BMPER: variants seen among roughly 807,000 people sequenced by gnomAD.
BMPER encodes the protein BMP binding endothelial regulator.
Under a neutral mutation model 87.3 loss-of-function variants are expected in BMPER, and 45 were observed. That is an observed-to-expected ratio of 0.52 (90% CI 0.41 to 0.66). The LOEUF is 0.66. Ranked by LOEUF, BMPER falls within the 30% of genes least tolerant of loss-of-function variation. The probability of loss-of-function intolerance (pLI) is 0.00; values close to 1 mark genes in which losing one functional copy is unlikely to be tolerated. For synonymous variants in BMPER, 326 were observed against 316.2 expected (o/e 1.03, Z -0.33); for missense variants, 784 against 867.5 (o/e 0.90, Z 1.21).
chr7:34,090,963 A>T (rs10277432), intron 13 of BMPER, among the ~76,000 whole-genome samples: 42,526 of 152,082 alleles, frequency 0.28, 6,353 homozygotes, highest in African/African-American at 0.34. Flanking sequence ...CATGCAGTGG[A>T]TTTTACAGCT....
chr7:33,909,811 C>A (rs1038674181), intron 2 of BMPER, among the ~76,000 whole-genome samples: 2 of 151,972 alleles, frequency 1.3e-5, no homozygotes, highest in African/African-American at 4.8e-5. Context: ...CTTAAAAAAC[C>A]CCACAAAAAT....
rs140695840 is a variant in BMPER at position 33,945,453 on chromosome 7, T to A, written c.319+8065T>A. 0.012 allele frequency among the ~76,000 whole-genome samples: 1,746 copies of A among 151,410 alleles called. 69 individuals carry two copies. The East Asian group carries it at 0.13, about 12-fold the overall frequency. ...TTTTAGTAGAGACGGGGTTTCGCCA[T>A]GTTGGCCAGGCTGGTCTTGAACTCC... On this transcript the variant is annotated intron_variant, in intron 3 of 14. Transcript: ENST00000649409.
chr7:34,050,487 A>G (rs1788121024), intron 7 of BMPER, among the ~76,000 whole-genome samples: 1 of 152,196 alleles, frequency 6.6e-6, no homozygotes, highest in African/African-American at 2.4e-5. Context: ...TGGCTATGAT[A>G]GGAAGACAGC....
chr7:33,948,217 A>G (rs1784932829), intron 3 of BMPER, among the ~76,000 whole-genome samples: 1 of 152,176 alleles, frequency 6.6e-6, no homozygotes, highest in Non-Finnish European at 1.5e-5. Context: ...TTTGCCTCCC[A>G]AATAAGAAAT....
At chr7:33,938,100 G>A (rs918472051) in intron 3 of BMPER, among the ~76,000 whole-genome samples, 2 of 152,214 alleles carry the variant, frequency 1.3e-5, no homozygotes, top group Admixed American at 6.5e-5. Context: ...CATGGATACC[G>A]CAGTGGTGTG....
intron 2 of BMPER, among the ~76,000 whole-genome samples, chr7:33,908,663 A>G (rs557252888): frequency 3.3e-3 from 510 of 152,356 alleles, no homozygotes; most frequent in Non-Finnish European, 6.0e-3. Flanking sequence ...TTATGTCTTC[A>G]ACATTTAAGT....
rs73329108 is a variant in BMPER, at chr7:34,004,276, A to T, written c.576+29492A>T. On this transcript the variant is annotated intron_variant, in intron 6 of 14. Transcript: ENST00000649409. Reference sequence around the variant, plus strand: ...GATGCTTTTTTATTGGTATTCTTTAATTAGAAGTGATTGTTATACTTTTAT... The same window carrying T: ...GATGCTTTTTTATTGGTATTCTTTATTTAGAAGTGATTGTTATACTTTTAT... 6.0e-3 allele frequency among the ~76,000 whole-genome samples: 911 copies of T among 152,022 alleles called. 5 individuals are homozygous for T. The highest frequency in any genetic ancestry group is 0.021 in the African/African-American group (857 of 41,492).
At chr7:34,015,507 A>G (rs768302202) in intron 6 of BMPER, among the ~76,000 whole-genome samples, 31 of 152,084 alleles carry the variant, frequency 2.0e-4, no homozygotes, top group Non-Finnish European at 4.3e-4. Context: ...TAGCTGGCAT[A>G]TACACATGGA....
chr7:33,983,057 G>A (rs954864278), intron 6 of BMPER, among the ~76,000 whole-genome samples: 2 of 152,156 alleles, frequency 1.3e-5, no homozygotes, highest in Non-Finnish European at 2.9e-5. Flanking sequence ...TGAGTTATCT[G>A]TGTTACTAGA....
At chr7:34,084,906 C>T (rs1789157338) in intron 12 of BMPER, among the ~76,000 whole-genome samples, 1 of 152,240 alleles carries the variant, frequency 6.6e-6, no homozygotes, top group South Asian at 2.1e-4. Flanking sequence ...GTCAGCTTAG[C>T]AAACCAAGAA....
intron 6 of BMPER, among the ~76,000 whole-genome samples, chr7:34,034,741 AG>A (rs1377734061): frequency 6.6e-6 from 1 of 152,218 alleles, no homozygotes; most frequent in Admixed American, 6.5e-5. Context: ...TTTCTCCTCT[AG>A]GAGAATACAG....
chr7:33,909,693 A>G (rs73110323), intron 2 of BMPER, among the ~76,000 whole-genome samples: 23 of 138,910 alleles, frequency 1.7e-4, no homozygotes, highest in African/African-American at 3.0e-4. Flanking sequence ...AAAAAAAAAA[A>G]AAAGAAAGAA....
chr7:34,024,925 C>A (rs1303797553), intron 6 of BMPER, among the ~76,000 whole-genome samples: 1 of 151,976 alleles, frequency 6.6e-6, no homozygotes, highest in Admixed American at 6.6e-5. Flanking sequence ...AAGAAAGTTT[C>A]TCAAATAGGA....
intron 6 of BMPER, among the ~76,000 whole-genome samples, chr7:34,025,960 G>A (rs1787347092): frequency 6.6e-6 from 1 of 152,000 alleles, no homozygotes. Context: ...GTAATGAGTT[G>A]GTCTGGAAGC....
chr7:33,906,473 T>A (rs918043393), intron 1 of BMPER, among the ~76,000 whole-genome samples: 1 of 152,192 alleles, frequency 6.6e-6, no homozygotes, highest in Non-Finnish European at 1.5e-5. Context: ...ATTTTTTATT[T>A]TTTTCTTTGC....
intron 6 of BMPER, among the ~76,000 whole-genome samples, chr7:33,993,331 T>C (rs1168649524): frequency 1.3e-5 from 2 of 151,994 alleles, no homozygotes; most frequent in Non-Finnish European, 2.9e-5. Context: ...TTATTCTTTT[T>C]TCTCTAAACT....
At chr7:34,026,936 C>A (rs1787372956) in intron 6 of BMPER, among the ~76,000 whole-genome samples, 1 of 152,042 alleles carries the variant, frequency 6.6e-6, no homozygotes, top group Admixed American at 6.6e-5. Context: ...CCGTGGGTGG[C>A]TATTGACTTC....
intron 3 of BMPER, among the ~76,000 whole-genome samples, chr7:33,943,591 G>A (rs927093083): frequency 2.0e-5 from 3 of 152,176 alleles, no homozygotes; most frequent in Non-Finnish European, 2.9e-5. Context: ...GAAAAGGTGT[G>A]CATGTGTCAA....
chr7:34,034,340 CT>C (rs1170730767), intron 6 of BMPER, among the ~76,000 whole-genome samples: 3 of 152,174 alleles, frequency 2.0e-5, no homozygotes, highest in Non-Finnish European at 4.4e-5. Context: ...CATAGATCAT[CT>C]TTCAGTAGGA....
Sources: allele counts gnomAD v4.1 joint callset (sites outside exome capture counted in the v4.1 genomes callset), GRCh38; gene constraint gnomAD v4.1.1; transcripts MANE v1.5; gene names NCBI Gene and HGNC (gene_info 2026-07-23, HGNC 2026-07-21).